The following PACS1 variants were observed in gnomAD, a reference collection of about 807,000 sequenced individuals.
The protein encoded by PACS1 is phosphofurin acidic cluster sorting protein 1.
In PACS1, 24 loss-of-function variants were observed where a neutral mutation model predicts 115.0. The ratio of observed to expected loss-of-function variants is 0.21; its 90% CI spans 0.15 to 0.29. The LOEUF (loss-of-function observed/expected upper bound fraction) is 0.29, where lower values mean the gene tolerates loss of function less well. Among genes scored for constraint, PACS1 ranks in the 10% least tolerant of loss-of-function variants. The pLI is 1.00. For synonymous variants in PACS1, 453 were observed against 504.5 expected (o/e 0.90, Z 1.37); for missense variants, 838 against 1,251.2 (o/e 0.67, Z 4.98).
Position 66,070,700 on chromosome 11 carries a change from A to G in PACS1, c.214A>G (p.Thr72Ala), listed in dbSNP as rs1857293123. ...GGCTGCCTCCTCCTCGTCCTCGTCT[A>G]CCTCCACCTCCATGGCCGTGGCGGT... ...AAAASSSSSSTSTSMAVAVAS... is the reference protein window; with the variant it reads ...AAAASSSSSSASTSMAVAVAS... Residue 72 changes from threonine (T) to alanine (A), a missense_variant, in exon 1 of 24, where the codon ACC becomes GCC. By Grantham distance (58) the Thr-to-Ala change is moderately conservative. This residue lies in a region of PACS1 where 129 missense variants were observed against 109.4 expected (regional missense o/e 1.18). Coordinates refer to ENST00000320580, the MANE Select transcript of PACS1 (RefSeq NM_018026.4). The surrounding 1 kb of genome is among the most constrained non-coding windows in gnomAD (Gnocchi z 5.9). 4 of 1,578,028 alleles carry G rather than the reference A, an allele frequency of 2.5e-6. No individual in the cohort carries two copies. The South Asian group carries it at 4.5e-5, about 18-fold the overall frequency.
At chr11:66,112,858 C>T (rs1399373651) in intron 1 of PACS1, among the ~76,000 whole-genome samples, 1 of 152,190 alleles carries the variant, frequency 6.6e-6, no homozygotes, top group East Asian at 1.9e-4. Flanking sequence ...AATGAATAAA[C>T]TGTGGCTATG....
At chr11:66,139,422 C>G (rs1362037170) in intron 1 of PACS1, among the ~76,000 whole-genome samples, 1 of 151,964 alleles carries the variant, frequency 6.6e-6, no homozygotes, top group Admixed American at 6.6e-5. Context: ...AATATTAGGT[C>G]TTATTCATGC....
At chr11:66,191,167 A>G (rs1430711156) in intron 1 of PACS1, among the ~76,000 whole-genome samples, 1 of 152,094 alleles carries the variant, frequency 6.6e-6, no homozygotes, top group Non-Finnish European at 1.5e-5. Context: ...GAGGCTGCAT[A>G]TTCCTTGGCT....
At chr11:66,133,223 A>G (rs757363382) in intron 1 of PACS1, among the ~76,000 whole-genome samples, 1 of 152,188 alleles carries the variant, frequency 6.6e-6, no homozygotes, top group Non-Finnish European at 1.5e-5. Flanking sequence ...TCGTATAGCC[A>G]TTATTACTCT....
At chr11:66,215,084 C>A (rs1196737294) in intron 4 of PACS1, among the ~76,000 whole-genome samples, 2 of 151,986 alleles carry the variant, frequency 1.3e-5, no homozygotes, top group Admixed American at 6.6e-5. Context: ...AGGCGCCCAC[C>A]ACCACACCTG....
intron 1 of PACS1, among the ~76,000 whole-genome samples, chr11:66,187,849 G>A (rs1020878304): frequency 2.6e-5 from 4 of 152,138 alleles, no homozygotes; most frequent in Non-Finnish European, 5.9e-5. Context: ...GGATCATGTG[G>A]TAGTTTTATT....
At chr11:66,111,960 T>C (rs529246989) in intron 1 of PACS1, among the ~76,000 whole-genome samples, 3 of 152,332 alleles carry the variant, frequency 2.0e-5, no homozygotes, top group South Asian at 4.1e-4. Context: ...TTCTTCTTTA[T>C]AATGCCTGCC....
At chr11:66,113,300 C>G (rs888516830) in intron 1 of PACS1, among the ~76,000 whole-genome samples, 1 of 152,194 alleles carries the variant, frequency 6.6e-6, no homozygotes, top group African/African-American at 2.4e-5. Flanking sequence ...TTCCAGTTCT[C>G]CTAGCTACCT....
At chr11:66,162,127 T>G (rs1486067760) in intron 1 of PACS1, among the ~76,000 whole-genome samples, 2 of 132,276 alleles carry the variant, frequency 1.5e-5, no homozygotes, top group East Asian at 4.4e-4. Context: ...TTTTTTTTTT[T>G]TTTTTTTTTT....
At chr11:66,221,968 T>A (rs934882872) in intron 10 of PACS1, among the ~76,000 whole-genome samples, 8 of 152,076 alleles carry the variant, frequency 5.3e-5, no homozygotes, top group African/African-American at 1.7e-4. Flanking sequence ...ATGCAAAAGT[T>A]AGCCAGGCAT....
intron 8 of PACS1, 163 bp from the exon 9 acceptor site, chr11:66,220,468 G>A (rs1032371356): frequency 4.3e-5 from 29 of 666,764 alleles, no homozygotes; most frequent in Non-Finnish European, 7.4e-5. Context: ...CCCGCCCTCA[G>A]GCTGGATCAT....
At position 66,070,829 on chromosome 11, in the gene PACS1, A is replaced by G. The variant is rs1457059080; in HGVS notation, c.343A>G (p.Ser115Gly). 2 of 1,492,872 alleles carry G rather than the reference A, an allele frequency of 1.3e-6. No homozygotes were observed. Among genetic ancestry groups the G allele is most frequent in the African/African-American group, 2.9e-5 (2 of 68,500 alleles). The allele number at this position is 1,492,872 out of a possible 1,614,324, so 92.5% of individuals were successfully genotyped here. ...ATWEVDRSSS[S>G]CVPRLFSLTL... is the part of the protein sequence containing the mutation. ...CTGGGAGGTGGACCGGAGCTCGTCC[A>G]GCTGCGTGCCTAGGTGAGCGCGGGA... The change falls in exon 1 of 24, where the codon AGC becomes GGC. Residue 115 changes from serine (S) to glycine (G), a missense_variant. Coordinates refer to ENST00000320580, the MANE Select transcript of PACS1 (RefSeq NM_018026.4). This position sits in a 1 kb window ranked among gnomAD's most constrained non-coding sequence, Gnocchi z 5.9.
chr11:66,230,667 C>CTGCA lies in PACS1; in HGVS notation c.1490+5_1490+8dup. The CTGCA allele has an allele frequency of 6.2e-7, 1 of 1,611,478 alleles. No homozygotes were observed. Among genetic ancestry groups the CTGCA allele is most frequent in the Non-Finnish European group, 8.5e-7 (1 of 1,177,496 alleles). Reference sequence around the variant, plus strand: ...TCCAGGGCTCTGCCTCCCCCAGGTACTGCAGATGGAAAGGAAGCAGGGGGT... The same window carrying CTGCA: ...TCCAGGGCTCTGCCTCCCCCAGGTACTGCATGCAGATGGAAAGGAAGCAGGGGGT... On this transcript the variant is annotated splice_donor_region_variant and intron_variant, in intron 12 of 23. Transcript: ENST00000320580.
chr11:66,133,307 T>G (rs1858744400), intron 1 of PACS1, among the ~76,000 whole-genome samples: 1 of 152,196 alleles, frequency 6.6e-6, no homozygotes, highest in African/African-American at 2.4e-5. Flanking sequence ...TTTTGCAAGA[T>G]AGAGCACTAG....
chr11:66,122,626 G>A (rs958528659), intron 1 of PACS1, among the ~76,000 whole-genome samples: 3 of 152,270 alleles, frequency 2.0e-5, no homozygotes, highest in East Asian at 1.9e-4. Context: ...GAAAGAAGTC[G>A]ATTTCGACTC....
chr11:66,215,593 C>A (rs953904647), intron 4 of PACS1, among the ~76,000 whole-genome samples: 20 of 151,234 alleles, frequency 1.3e-4, no homozygotes, highest in African/African-American at 4.6e-4. Context: ...GAGTGAGACC[C>A]TGCCTTTAAT....
At position 66,088,772 on chromosome 11, in the gene PACS1, C is replaced by T. The variant is rs575989521; in HGVS notation, c.356+17930C>T. On this transcript the variant is annotated intron_variant, in intron 1 of 23. Transcript: ENST00000320580. The stretch of plus-strand genomic sequence containing the variant: ...ATTTTAGAATCAGCTTTTCAGTTTC[C>T]TTAAAAACTTCTCTTGGGGGAGAAA... Among the ~76,000 whole-genome samples the T allele has an allele frequency of 3.9e-5, 6 of 152,190 alleles. No individual in the cohort carries two copies. In the South Asian group the frequency reaches 1.2e-3, roughly 32 times the overall value.
In PACS1 at chr11:66,233,727, C is replaced by G. The variant is rs1855648151; in HGVS notation, c.1839-58C>G. Reference sequence around the variant, plus strand: ...TCACAGAAAGTCAGCTCTGGGCCTCCCCCGGGCAGGATCCTGGCACCCCTG... The same window carrying G: ...TCACAGAAAGTCAGCTCTGGGCCTCGCCCGGGCAGGATCCTGGCACCCCTG... On this transcript the variant is annotated intron_variant, in intron 15 of 23. Coordinates refer to ENST00000320580, the MANE Select transcript of PACS1 (RefSeq NM_018026.4). This position sits in a 1 kb window ranked among gnomAD's most constrained non-coding sequence, Gnocchi z 4.5. 3.3e-6 allele frequency: 5 copies of G among 1,530,398 alleles called. No individual in the cohort carries two copies. In the Admixed American group the frequency reaches 1.0e-4, roughly 31 times the overall value. The allele number at this position is 1,530,398 out of a possible 1,614,324, so 94.8% of individuals were successfully genotyped here. A position where few individuals can be genotyped will look rare whatever the true frequency, so the allele number is the denominator to read the frequency against.
At chr11:66,074,564 T>G (rs1025995078) in intron 1 of PACS1, among the ~76,000 whole-genome samples, 1 of 152,248 alleles carries the variant, frequency 6.6e-6, no homozygotes, top group East Asian at 1.9e-4. Flanking sequence ...AAGTGATTAT[T>G]AAGAGATGAA....
Sources: gnomAD v4.1 joint callset for allele counts (sites outside exome capture counted in the v4.1 genomes callset) on GRCh38, gnomAD v4.1.1 for gene constraint, gnomAD v4.1.1 regional missense constraint, Gnocchi (gnomAD v3.1) non-coding constraint, MANE v1.5 for transcripts, NCBI Gene and HGNC (gene_info 2026-07-23, HGNC 2026-07-21) for gene names.